The following RNF44 variants were observed in gnomAD, a reference collection of about 807,000 sequenced individuals.
The protein encoded by RNF44 is ring finger protein 44.
Under a neutral mutation model 53.6 loss-of-function variants are expected in RNF44, and 25 were observed. The observed-to-expected ratio is 0.47, with a 90% CI of 0.34 to 0.65. RNF44 has a LOEUF of 0.65. Among genes scored for constraint, RNF44 ranks in the 30% least tolerant of loss-of-function variants. The probability of loss-of-function intolerance (pLI) is 0.01; values close to 1 mark genes in which losing one functional copy is unlikely to be tolerated. For synonymous variants in RNF44, 282 were observed against 252.2 expected, an observed-to-expected ratio of 1.12 and a Z score of -1.12; for missense variants, 581 against 595.5, an observed-to-expected ratio of 0.98 and a Z score of 0.25.
chr5:176,531,047 G>A lies in RNF44; in HGVS notation c.466-26C>T. The A allele has an allele frequency of 7.0e-7, 1 of 1,434,342 alleles. No individual in the cohort carries two copies. Among genetic ancestry groups the A allele is most frequent in the Non-Finnish European group, 9.1e-7 (1 of 1,095,176 alleles). The allele number at this position is 1,434,342 out of a possible 1,614,324, so 88.9% of individuals were successfully genotyped here. A position where few individuals can be genotyped will look rare whatever the true frequency, so the allele number is the denominator to read the frequency against. On this transcript the variant is annotated intron_variant, in intron 4 of 10. Coordinates refer to ENST00000274811, the MANE Select transcript of RNF44 (RefSeq NM_014901.5). This position sits in a 1 kb window ranked among gnomAD's most constrained non-coding sequence, Gnocchi z 4.2. Reference sequence around the variant, plus strand: ...CTGCCAAGAGAGGGGGCAGGGGGCTGAGAACGTTCTCCTGGGCTCTGGGCC... The same window carrying A: ...CTGCCAAGAGAGGGGGCAGGGGGCTAAGAACGTTCTCCTGGGCTCTGGGCC...
At chr5:176,538,951 C>T (rs1178181551), upstream of RNF44, among the ~76,000 whole-genome samples, 1 of 152,108 alleles carries the variant, frequency 6.6e-6, no homozygotes, top group South Asian at 2.1e-4. Flanking sequence ...CACATTAGCT[C>T]TTTTTTAAAA....
At chr5:176,535,585 G>A (rs748380560) in intron 1 of RNF44, among the ~76,000 whole-genome samples, 1 of 152,144 alleles carries the variant, frequency 6.6e-6, no homozygotes, top group Non-Finnish European at 1.5e-5. Flanking sequence ...GTCCTAGTTG[G>A]CCTCCTAGGC....
upstream of RNF44, among the ~76,000 whole-genome samples, chr5:176,538,717 T>A (rs1375048564): frequency 6.6e-6 from 1 of 152,210 alleles, no homozygotes; most frequent in East Asian, 1.9e-4. Context: ...GGGGGGCTCA[T>A]TTTCTATGCT....
rs2113061685 is a variant in RNF44, at chr5:176,528,770, AG to A, written c.*257del. The A allele has an allele frequency of 1.8e-6, 1 of 563,166 alleles. No individual in the cohort carries two copies. The highest frequency in any genetic ancestry group is 3.0e-5 in the East Asian group (1 of 33,588). The allele number at this position is 563,166 out of a possible 1,614,324, so 34.9% of individuals were successfully genotyped here. Reference sequence around the variant, plus strand: ...AGGGACCTGAGGGTGCACAGGAGGGAGACCCGATCAGGGACACTCAGGCAGC... The same window carrying A: ...AGGGACCTGAGGGTGCACAGGAGGGAACCCGATCAGGGACACTCAGGCAGC... On this transcript the variant is annotated 3_prime_UTR_variant, in exon 11 of 11. Coordinates refer to ENST00000274811, the MANE Select transcript of RNF44 (RefSeq NM_014901.5).
At chr5:176,541,845 A>G (rs1757454705), upstream of RNF44, among the ~76,000 whole-genome samples, 1 of 152,170 alleles carries the variant, frequency 6.6e-6, no homozygotes, top group African/African-American at 2.4e-5. Context: ...AGGCTGGGGT[A>G]CCAGCCAGGG....
rs1369370677 is a variant in RNF44 at position 176,528,985 on chromosome 5, A to G, written c.*43T>C. ...CCCTGGGCCCCACCCACAAGTTTCCAGAGCTTCAGGCAGGGTTCTCCCGGG... is the reference window on the plus strand; with the variant it reads ...CCCTGGGCCCCACCCACAAGTTTCCGGAGCTTCAGGCAGGGTTCTCCCGGG... On this transcript the variant is annotated 3_prime_UTR_variant, in exon 11 of 11. Coordinates refer to ENST00000274811, the MANE Select transcript of RNF44 (RefSeq NM_014901.5). 3.2e-6 allele frequency: 5 copies of G among 1,587,216 alleles called. No individual in the cohort carries two copies. The highest frequency in any genetic ancestry group is 4.3e-6 in the Non-Finnish European group (5 of 1,163,042).
rs2113074065 is a variant in RNF44 at position 176,529,404 on chromosome 5, A to AGG, written c.1137-18_1137-17insCC. ...ACCACACACCTGTGGAGGGGCGCGG[A>AGG]GCGTCACCTCCACGCTGAGGGCCAT... On this transcript the variant is annotated splice_polypyrimidine_tract_variant and intron_variant, in intron 9 of 10. Transcript: ENST00000274811. The AGG allele has an allele frequency of 6.2e-7, 1 of 1,606,574 alleles. No homozygotes were observed. Among genetic ancestry groups the AGG allele is most frequent in the Non-Finnish European group, 8.5e-7 (1 of 1,174,976 alleles).
chr5:176,532,086 G>A lies in RNF44; in HGVS notation c.215C>T (p.Ala72Val), dbSNP rs755668757. 2 of 1,603,902 alleles carry A rather than the reference G, an allele frequency of 1.2e-6. No homozygotes were observed. Among genetic ancestry groups the A allele is most frequent in the African/African-American group, 1.3e-5 (1 of 74,630 alleles). ...PPHLPVEERR[A>V]SAPAGGSPRM... is the part of the protein sequence containing the mutation. ...GGGGCTCCCGCCGGCAGGAGCCGAG[G>A]CTCGGCGCTCCTCTACGGGGAGGTG... The change falls in exon 3 of 11, where the codon GCC (alanine) becomes GTC (valine). Residue 72 changes from alanine to valine, a missense_variant. Physicochemically the swap from Ala to Val is moderately conservative, Grantham distance 64. Transcript: ENST00000274811.
chr5:176,529,274 C>A lies in RNF44; in HGVS notation c.1236+14G>T. 3 of 1,611,128 alleles carry A rather than the reference C, an allele frequency of 1.9e-6. No individual in the cohort carries two copies. The highest frequency in any genetic ancestry group is 2.5e-6 in the Non-Finnish European group (3 of 1,177,680). Reference sequence around the variant, plus strand: ...GCATGAGGAATACCCAGGAGCAGACCTGGGCAGTGTTACCTTCAACCACTT... The same window carrying A: ...GCATGAGGAATACCCAGGAGCAGACATGGGCAGTGTTACCTTCAACCACTT... On this transcript the variant is annotated intron_variant, in intron 10 of 10. Transcript: ENST00000274811.
intron 7 of RNF44, 23 bp downstream of exon 7, chr5:176,530,058 TG>T: frequency 1.8e-6 from 2 of 1,107,884 alleles, no homozygotes; most frequent in Non-Finnish European, 2.2e-6. Flanking sequence ...ATCAGGGACC[TG>T]GGGCGGATGT....
At chr5:176,530,807 C>G (rs1236125309) in intron 5 of RNF44, 41 bp downstream of exon 5, 6 of 1,465,110 alleles carry the variant, frequency 4.1e-6, no homozygotes, top group Non-Finnish European at 5.4e-6. Context: ...CTGCCTCCCC[C>G]CACGCCATCT....
At chr5:176,529,491 C>G (rs1242699521) in intron 9 of RNF44, 32 bp downstream of exon 9, 1 of 1,612,810 alleles carries the variant, frequency 6.2e-7, no homozygotes, top group Non-Finnish European at 8.5e-7. Context: ...CAGCTGTGTT[C>G]AGAGGGGTGG....
the RNF44 span, among the ~76,000 whole-genome samples, chr5:176,543,363 G>C: frequency 6.7e-6 from 1 of 149,166 alleles, no homozygotes; most frequent in Non-Finnish European, 1.5e-5. This position sits in a 1 kb window ranked among gnomAD's most constrained non-coding sequence, Gnocchi z 4.0. Context: ...CGCCTGCCGC[G>C]GCCCCTCTCC....
In RNF44 at chr5:176,527,284, T is replaced by C. The variant is rs1219677538; in HGVS notation, c.*1744A>G. On this transcript the variant is annotated 3_prime_UTR_variant, in exon 11 of 11. Coordinates refer to ENST00000274811, the MANE Select transcript of RNF44 (RefSeq NM_014901.5). Reference sequence around the variant, plus strand: ...ACAAACATCCTAAGTAATTGTTGTATAAATCTTGTTTTTTAATGATGATCT... The same window carrying C: ...ACAAACATCCTAAGTAATTGTTGTACAAATCTTGTTTTTTAATGATGATCT... 6.6e-6 allele frequency: 1 copy of C among 152,428 alleles called. No individual in the cohort carries two copies. Among genetic ancestry groups the C allele is most frequent in the African/African-American group, 2.4e-5 (1 of 41,414 alleles). The allele number at this position is 152,428 out of a possible 1,614,324, so 9.4% of individuals were successfully genotyped here.
chr5:176,539,524 C>T (rs1157688280), upstream of RNF44, among the ~76,000 whole-genome samples: 1 of 152,094 alleles, frequency 6.6e-6, no homozygotes, highest in Non-Finnish European at 1.5e-5. Flanking sequence ...CCTGTCTCCA[C>T]AAAAAATACA....
At chr5:176,533,356 A>G (rs556934484) in intron 1 of RNF44, among the ~76,000 whole-genome samples, 8 of 152,288 alleles carry the variant, frequency 5.3e-5, no homozygotes, top group African/African-American at 1.9e-4. Context: ...GAGTGACTTC[A>G]TCTACCTTTC....
At position 176,528,093 on chromosome 5, in the gene RNF44, GC is replaced by G. The variant is rs1157636379; in HGVS notation, c.*934del. ...CCGGCACACGCATGCATGCAGGCCG[GC>G]CAGCATGACCGTGCTCGGCCCCCTG... On this transcript the variant is annotated 3_prime_UTR_variant, in exon 11 of 11. Transcript: ENST00000274811. The G allele has an allele frequency of 6.6e-6, 1 of 152,424 alleles. No homozygotes were observed. The highest frequency in any genetic ancestry group is 1.5e-5 in the Non-Finnish European group (1 of 68,050). The allele number at this position is 152,424 out of a possible 1,614,324, so 9.4% of individuals were successfully genotyped here.
upstream of RNF44, among the ~76,000 whole-genome samples, chr5:176,538,197 C>G (rs1757351359): frequency 6.6e-6 from 1 of 152,214 alleles, no homozygotes; most frequent in Non-Finnish European, 1.5e-5. Flanking sequence ...TTGGTGTCCC[C>G]GCGGAGACCT....
chr5:176,527,880 T>C lies in RNF44; in HGVS notation c.*1148A>G, dbSNP rs183450890. Reference sequence around the variant, plus strand: ...TCCACAGCCTTCCTGGTCCCCATCCTCCTGGGACTTCCTTGGAGGAGATTC... The same window carrying C: ...TCCACAGCCTTCCTGGTCCCCATCCCCCTGGGACTTCCTTGGAGGAGATTC... On this transcript the variant is annotated 3_prime_UTR_variant, in exon 11 of 11. Transcript: ENST00000274811. 1.3e-5 allele frequency: 2 copies of C among 152,436 alleles called. No individual in the cohort carries two copies. The highest frequency in any genetic ancestry group is 4.8e-5 in the African/African-American group (2 of 41,514). 9.4% of individuals were successfully genotyped at this position (152,436 alleles called of 1,614,324 possible). A position where few individuals can be genotyped will look rare whatever the true frequency, so the allele number is the denominator to read the frequency against.
Sources: gnomAD v4.1 joint callset for allele counts (sites outside exome capture counted in the v4.1 genomes callset) on GRCh38, gnomAD v4.1.1 for gene constraint, Gnocchi (gnomAD v3.1) non-coding constraint, MANE v1.5 for transcripts, NCBI Gene and HGNC (gene_info 2026-07-23, HGNC 2026-07-21) for gene names.